The following ATPAF1 variants were observed in gnomAD, a reference collection of about 807,000 sequenced individuals.
The protein encoded by ATPAF1 is homolog of yeast ATP11.
In ATPAF1, 26 loss-of-function variants were observed where a neutral mutation model predicts 43.9. That is an observed-to-expected ratio of 0.59 (90% CI 0.43 to 0.82). ATPAF1 has a LOEUF of 0.82. Ranked by LOEUF, ATPAF1 falls within the 40% of genes least tolerant of loss-of-function variation. The pLI is 0.00. For synonymous variants in ATPAF1, 157 were observed against 168.0 expected (o/e 0.93, Z 0.50); for missense variants, 366 against 435.0 (o/e 0.84, Z 1.41).
At chr1:46,642,745 A>C (rs1361793177) in intron 8 of ATPAF1, among the ~76,000 whole-genome samples, 1 of 152,200 alleles carries the variant, frequency 6.6e-6, no homozygotes, top group East Asian at 1.9e-4. Context: ...TTAGATTCAG[A>C]ATTATTGAAT....
intron 8 of ATPAF1, among the ~76,000 whole-genome samples, chr1:46,640,948 T>C (rs565584697): frequency 7.4e-4 from 112 of 152,318 alleles, no homozygotes; most frequent in African/African-American, 2.6e-3. Context: ...CTCTGGCTTC[T>C]CTCCTGCTGT....
chr1:46,647,096 G>A (rs897277402), intron 6 of ATPAF1, among the ~76,000 whole-genome samples: 11 of 152,190 alleles, frequency 7.2e-5, no homozygotes, highest in African/African-American at 2.7e-4. Context: ...CAAATGTCTA[G>A]TTGATGTATT....
At chr1:46,666,969 G>C (rs1676501267) in intron 1 of ATPAF1, among the ~76,000 whole-genome samples, 1 of 152,228 alleles carries the variant, frequency 6.6e-6, no homozygotes, top group Non-Finnish European at 1.5e-5. Context: ...ATCAAATACA[G>C]ATCAACGAGA....
At chr1:46,633,449 C>A (rs1675785855), downstream of ATPAF1, 1 of 222,206 alleles carries the variant, frequency 4.5e-6, no homozygotes, top group Non-Finnish European at 8.9e-6. Flanking sequence ...ATAGTTTAAG[C>A]AATTTGTTCA....
At chr1:46,652,288 A>G (rs925307279) in intron 6 of ATPAF1, 7 of 275,600 alleles carry the variant, frequency 2.5e-5, no homozygotes, top group Non-Finnish European at 4.8e-5. Context: ...ATTAAGATCT[A>G]CATCAGAAAG....
chr1:46,638,621 CAAA>C (rs55686309), intron 8 of ATPAF1, among the ~76,000 whole-genome samples: 45 of 125,440 alleles, frequency 3.6e-4, no homozygotes, highest in Non-Finnish European at 4.0e-4. Context: ...AGACTGTCTC[CAAA>C]AAAAAAAAAA....
chr1:46,665,590 T>C, intron 1 of ATPAF1: 1 of 1,388,080 alleles, frequency 7.2e-7, no homozygotes, highest in Non-Finnish European at 9.8e-7. Context: ...GTGTAACATT[T>C]TTCTTTTGCA....
chr1:46,668,525 G>T (rs983353910), upstream of ATPAF1: 2 of 607,328 alleles, frequency 3.3e-6, no homozygotes, highest in African/African-American at 4.0e-5. This position sits in a 1 kb window ranked among gnomAD's most constrained non-coding sequence, Gnocchi z 4.4. Context: ...GCGCGCTCTC[G>T]CCGCCCTGTG....
chr1:46,646,842 C>T (rs1458548372), intron 6 of ATPAF1, among the ~76,000 whole-genome samples: 1 of 152,148 alleles, frequency 6.6e-6, no homozygotes, highest in Non-Finnish European at 1.5e-5. Flanking sequence ...CTTTGAAGTT[C>T]ATACTTCCCT....
downstream of ATPAF1, chr1:46,632,988 C>G (rs1007096093): frequency 2.0e-5 from 3 of 152,606 alleles, no homozygotes. Context: ...AAAGAAAGAC[C>G]TGGCAATGTA....
Position 46,653,728 on chromosome 1 carries a change from CA to C in ATPAF1, c.540+88del. ...ATGCAGCTTCTCAAGAGGCAATAAA[CA>C]TAGGAAAAGTAAAGGCAACTGCCTG... On this transcript the variant is annotated intron_variant, in intron 5 of 8. Coordinates refer to ENST00000574428, the Ensembl canonical transcript of ATPAF1. The surrounding 1 kb of genome is among the most constrained non-coding windows in gnomAD (Gnocchi z 4.8). 7.8e-7 allele frequency: 1 copy of C among 1,277,772 alleles called. No individual in the cohort carries two copies. The highest frequency in any genetic ancestry group is 1.4e-5 in the South Asian group (1 of 72,262). 79.2% of individuals were successfully genotyped at this position (1,277,772 alleles called of 1,614,324 possible).
In ATPAF1 at chr1:46,650,528, T is replaced by C. The variant is rs193221170; in HGVS notation, c.588+2053A>G. The stretch of plus-strand genomic sequence containing the variant: ...CAGCAGTCCCACTACTGGATATATA[T>C]CCAAAGGAAAGGAAATTAGTATGTT... On this transcript the variant is annotated intron_variant, in intron 6 of 8. Coordinates refer to ENST00000574428, the Ensembl canonical transcript of ATPAF1. Among the ~76,000 whole-genome samples the C allele has an allele frequency of 2.0e-5, 3 of 152,148 alleles. No individual in the cohort carries two copies. The East Asian group carries it at 5.8e-4, about 29-fold the overall frequency.
intron 7 of ATPAF1, among the ~76,000 whole-genome samples, chr1:46,643,651 A>G (rs781500093): frequency 8.5e-5 from 13 of 152,238 alleles, no homozygotes; most frequent in Non-Finnish European, 1.8e-4. Context: ...TGTAATTGCC[A>G]CTTTCATGGA....
downstream of ATPAF1, chr1:46,634,066 T>TA (rs534292117): frequency 1.9e-4 from 66 of 344,204 alleles, no homozygotes; most frequent in East Asian, 4.8e-3. Flanking sequence ...TTCCCCAGTT[T>TA]AAAAAAATAC....
intron 4 of ATPAF1, among the ~76,000 whole-genome samples, chr1:46,656,826 C>A (rs1676281388): frequency 6.6e-6 from 1 of 152,196 alleles, no homozygotes; most frequent in African/African-American, 2.4e-5. Flanking sequence ...TTTGCATATG[C>A]CTCTATTAAT....
At chr1:46,654,560 T>TATA (rs56319728) in intron 4 of ATPAF1, among the ~76,000 whole-genome samples, 48 of 145,874 alleles carry the variant, frequency 3.3e-4, no homozygotes, top group Admixed American at 1.7e-3. Flanking sequence ...TTATTATTAT[T>TATA]GTACTTTAAG....
intron 2 of ATPAF1, chr1:46,663,832 C>A: frequency 8.2e-7 from 1 of 1,216,422 alleles, no homozygotes; most frequent in Non-Finnish European, 1.0e-6. Context: ...ACTGTAACTA[C>A]CTTAATTCAG....
At chr1:46,648,912 G>C (rs896068918) in intron 6 of ATPAF1, among the ~76,000 whole-genome samples, 5 of 152,088 alleles carry the variant, frequency 3.3e-5, no homozygotes, top group African/African-American at 1.2e-4. Context: ...CTGGGAGGCA[G>C]AGATTGCAGT....
intron 2 of ATPAF1, among the ~76,000 whole-genome samples, chr1:46,660,953 CT>C (rs34678504): frequency 0.14 from 21,231 of 150,342 alleles, 3,805 homozygotes; most frequent in African/African-American, 0.4. Flanking sequence ...GGCCTAGAAC[CT>C]TTTTTTTTTA....
Sources: gnomAD v4.1 joint callset for allele counts (sites outside exome capture counted in the v4.1 genomes callset) on GRCh38, gnomAD v4.1.1 for gene constraint, Gnocchi (gnomAD v3.1) non-coding constraint, MANE v1.5 for transcripts, NCBI Gene and HGNC (gene_info 2026-07-23, HGNC 2026-07-21) for gene names.